The following DLG2 variants were observed in gnomAD, a reference collection of about 807,000 sequenced individuals.
DLG2 encodes the protein discs large MAGUK scaffold protein 2.
In DLG2, 45 loss-of-function variants were observed where a neutral mutation model predicts 132.5. The ratio of observed to expected loss-of-function variants is 0.34; its 90% CI spans 0.27 to 0.44. The LOEUF (loss-of-function observed/expected upper bound fraction) is 0.44. Among genes scored for constraint, DLG2 ranks in the 20% least tolerant of loss-of-function variants. The pLI is 1.00. For missense variants in DLG2, 1,045 were observed against 1,196.9 expected, an observed-to-expected ratio of 0.87 and a Z score of 1.87; for synonymous variants, 424 against 419.6, an observed-to-expected ratio of 1.01 and a Z score of -0.13.
chr11:84,590,929 T>C (rs2099541243), intron 6 of DLG2, among the ~76,000 whole-genome samples: 1 of 152,158 alleles, frequency 6.6e-6, no homozygotes, highest in Non-Finnish European at 1.5e-5. Context: ...AAGAAAATGA[T>C]GGGACAAATC....
At chr11:85,000,897 T>C (rs1393103432) in intron 6 of DLG2, among the ~76,000 whole-genome samples, 1 of 152,142 alleles carries the variant, frequency 6.6e-6, no homozygotes, top group African/African-American at 2.4e-5. Flanking sequence ...TATTAAGTTA[T>C]GTAATATAAG....
At chr11:84,226,367 T>G (rs1444974493) in intron 8 of DLG2, among the ~76,000 whole-genome samples, 3 of 152,178 alleles carry the variant, frequency 2.0e-5, no homozygotes, top group Non-Finnish European at 4.4e-5. Flanking sequence ...TCAGCTACCT[T>G]AAACAGGTAC....
At chr11:85,512,797 C>T (rs532453041) in intron 3 of DLG2, among the ~76,000 whole-genome samples, 17 of 152,038 alleles carry the variant, frequency 1.1e-4, no homozygotes, top group Non-Finnish European at 2.4e-4. Context: ...TCTCAAAGAA[C>T]TGAAAATGAA....
chr11:84,796,609 T>C (rs2074644546), intron 6 of DLG2, among the ~76,000 whole-genome samples: 1 of 152,270 alleles, frequency 6.6e-6, no homozygotes, highest in East Asian at 1.9e-4. Context: ...TCAGCTTTTG[T>C]TTGTCTGGGA....
At chr11:84,933,544 T>C (rs2048341282) in intron 6 of DLG2, among the ~76,000 whole-genome samples, 1 of 152,190 alleles carries the variant, frequency 6.6e-6, no homozygotes, top group African/African-American at 2.4e-5. Flanking sequence ...TTTTGAGTAG[T>C]GGTTTGCAGT....
At chr11:83,729,458 G>C (rs1416016172) in intron 18 of DLG2, among the ~76,000 whole-genome samples, 1 of 152,190 alleles carries the variant, frequency 6.6e-6, no homozygotes, top group East Asian at 1.9e-4. Context: ...AGCTTCCTCA[G>C]GTTAATCAAG....
intron 18 of DLG2, among the ~76,000 whole-genome samples, chr11:83,645,534 G>C (rs781352088): frequency 6.6e-6 from 1 of 152,050 alleles, no homozygotes; most frequent in Non-Finnish European, 1.5e-5. Context: ...ATAAAAAATA[G>C]ACTTTTATGC....
chr11:84,110,838 A>G (rs2093307599), intron 9 of DLG2, among the ~76,000 whole-genome samples: 1 of 152,216 alleles, frequency 6.6e-6, no homozygotes. Context: ...CCCACAGGCC[A>G]ACAATGTGAA....
rs568808310 is a variant in DLG2 at position 85,275,039 on chromosome 11, G to T, written c.186+10181C>A. On this transcript the variant is annotated intron_variant, in intron 4 of 27. Transcript: ENST00000376104. ...AGATACCCTATCCTTCATTCTAAAGGCTCCTATATCACATGAAAATTTTAT... is the reference window on the plus strand; with the variant it reads ...AGATACCCTATCCTTCATTCTAAAGTCTCCTATATCACATGAAAATTTTAT... 4.6e-5 allele frequency among the ~76,000 whole-genome samples: 7 copies of T among 152,070 alleles called. No individual in the cohort carries two copies. In the East Asian group the frequency reaches 1.2e-3, roughly 25 times the overall value.
intron 6 of DLG2, among the ~76,000 whole-genome samples, chr11:84,580,682 C>T (rs1477175296): frequency 6.6e-6 from 1 of 152,182 alleles, no homozygotes; most frequent in Non-Finnish European, 1.5e-5. Flanking sequence ...AACACTAAAA[C>T]GTGGAAAGGA....
chr11:85,522,513 G>A (rs780331346), intron 3 of DLG2, among the ~76,000 whole-genome samples: 2 of 152,118 alleles, frequency 1.3e-5, no homozygotes, highest in South Asian at 2.1e-4. Context: ...CAGAATAGTA[G>A]ATCCACCAAC....
chr11:84,867,152 C>T (rs1000976876), intron 6 of DLG2, among the ~76,000 whole-genome samples: 12 of 152,270 alleles, frequency 7.9e-5, no homozygotes, highest in African/African-American at 2.6e-4. Context: ...CAGTCATTTC[C>T]GGCCCTCAAG....
At chr11:84,932,967 A>G (rs2048279954) in intron 6 of DLG2, among the ~76,000 whole-genome samples, 1 of 152,172 alleles carries the variant, frequency 6.6e-6, no homozygotes, top group African/African-American at 2.4e-5. Flanking sequence ...GAACTAATTT[A>G]CATTCCCACC....
chr11:84,118,622 G>C (rs1033734554), intron 9 of DLG2, among the ~76,000 whole-genome samples: 1 of 152,102 alleles, frequency 6.6e-6, no homozygotes, highest in Admixed American at 6.5e-5. Context: ...GCAGCACAGA[G>C]GTATATATTT....
intron 3 of DLG2, among the ~76,000 whole-genome samples, chr11:85,536,898 C>T (rs112714755): frequency 4.7e-4 from 72 of 152,302 alleles, no homozygotes; most frequent in African/African-American, 1.5e-3. Context: ...GACTAGGTGC[C>T]GCAAAGTCCC....
At chr11:84,184,049 T>C (rs975008559) in intron 8 of DLG2, among the ~76,000 whole-genome samples, 1 of 152,134 alleles carries the variant, frequency 6.6e-6, no homozygotes, top group African/African-American at 2.4e-5. Flanking sequence ...TGTGCACGTG[T>C]CTTTATAGCA....
At position 83,633,642 on chromosome 11, in the gene DLG2, A is replaced by C. The variant is rs76649270; in HGVS notation, c.1826-317T>G. The stretch of plus-strand genomic sequence containing the variant: ...GGCAGGGAGGTAGATGTGGTTATAA[A>C]CAGGCAATGTAAAGTATCCTTGTGG... On this transcript the variant is annotated intron_variant, in intron 18 of 27. Transcript: ENST00000376104. Among the ~76,000 whole-genome samples the C allele has an allele frequency of 9.2e-3, 1,401 of 152,042 alleles. 34 individuals carry two copies. The highest frequency in any genetic ancestry group is 0.032 in the African/African-American group (1,329 of 41,476).
intron 7 of DLG2, among the ~76,000 whole-genome samples, chr11:84,520,135 G>A (rs2099291235): frequency 6.6e-6 from 1 of 151,918 alleles, no homozygotes; most frequent in African/African-American, 2.4e-5. Context: ...TTCTCTCTTT[G>A]GACCAAGTTA....
intron 6 of DLG2, among the ~76,000 whole-genome samples, chr11:84,770,952 G>A (rs1028242354): frequency 7.2e-5 from 11 of 152,002 alleles, no homozygotes; most frequent in South Asian, 2.1e-4. Flanking sequence ...GCGCTCAGCC[G>A]ATTTCATTCT....
Sources: gnomAD v4.1 joint callset for allele counts (sites outside exome capture counted in the v4.1 genomes callset) on GRCh38, gnomAD v4.1.1 for gene constraint, MANE v1.5 for transcripts, NCBI Gene and HGNC (gene_info 2026-07-23, HGNC 2026-07-21) for gene names.